The following PTGFR variants were observed in gnomAD, a reference collection of about 807,000 sequenced individuals.
The protein encoded by PTGFR is prostaglandin F2-alpha receptor.
Under a neutral mutation model 26.2 loss-of-function variants are expected in PTGFR, and 15 were observed. The observed-to-expected ratio is 0.57, with a 90% CI of 0.38 to 0.88. PTGFR has a LOEUF of 0.88. Ranked by LOEUF, PTGFR falls within the 40% of genes least tolerant of loss-of-function variation. The pLI is 0.00. For synonymous variants in PTGFR, 165 were observed against 151.1 expected, an observed-to-expected ratio of 1.09 and a Z score of -0.68; for missense variants, 369 against 427.2, an observed-to-expected ratio of 0.86 and a Z score of 1.20.
At chr1:78,492,619 C>G in intron 1 of PTGFR, 53 bp from the exon 2 acceptor site, 2 of 942,316 alleles carry the variant, frequency 2.1e-6, no homozygotes, top group Non-Finnish European at 3.1e-6. Context: ...CAGTCATAAA[C>G]GTCAGATGAG....
At chr1:78,510,982 G>A (rs1418419497) in intron 2 of PTGFR, among the ~76,000 whole-genome samples, 1 of 152,056 alleles carries the variant, frequency 6.6e-6, no homozygotes, top group Non-Finnish European at 1.5e-5. Context: ...CCACACTCAG[G>A]GCACGCCAGT....
chr1:78,536,267 T>C, intron 2 of PTGFR, 139 bp from the exon 3 acceptor site: 1 of 803,896 alleles, frequency 1.2e-6, no homozygotes, highest in Non-Finnish European at 1.9e-6. Flanking sequence ...CTATCATTGA[T>C]TTCTTTCTGT....
rs138212662 is a variant in PTGFR, at chr1:78,534,931, C to G, written c.799-1475C>G. ...TATTTCTTTTACAGAAATACTCTCCCCACATTTATTGGTGGCTGAATGATT... is the reference window on the plus strand; with the variant it reads ...TATTTCTTTTACAGAAATACTCTCCGCACATTTATTGGTGGCTGAATGATT... On this transcript the variant is annotated intron_variant, in intron 2 of 2. Transcript: ENST00000370757. Among the ~76,000 whole-genome samples, 438 of 152,226 alleles carry G rather than the reference C, an allele frequency of 2.9e-3. 1 individual carries two copies. The highest frequency in any genetic ancestry group is 8.9e-3 in the African/African-American group (368 of 41,532).
At chr1:78,499,979 A>G (rs1649660910) in intron 2 of PTGFR, among the ~76,000 whole-genome samples, 1 of 152,226 alleles carries the variant, frequency 6.6e-6, no homozygotes, top group African/African-American at 2.4e-5. Context: ...GGAAAATATT[A>G]GGTAACAGAA....
chr1:78,508,521 T>G (rs545316288), intron 2 of PTGFR, among the ~76,000 whole-genome samples: 5 of 152,236 alleles, frequency 3.3e-5, no homozygotes, highest in African/African-American at 1.2e-4. Context: ...AGCCTAGGAA[T>G]GAATGTCACT....
At chr1:78,513,494 A>G (rs1650020244) in intron 2 of PTGFR, among the ~76,000 whole-genome samples, 1 of 151,344 alleles carries the variant, frequency 6.6e-6, no homozygotes, top group African/African-American at 2.5e-5. Context: ...AAAGCATTTA[A>G]GAAATGGCAT....
intron 2 of PTGFR, among the ~76,000 whole-genome samples, chr1:78,499,815 A>G (rs1290469051): frequency 1.3e-5 from 2 of 152,122 alleles, no homozygotes; most frequent in African/African-American, 2.4e-5. Context: ...TGATTTGTTT[A>G]TATGTTTTCT....
At chr1:78,521,269 G>A (rs540757) in intron 2 of PTGFR, among the ~76,000 whole-genome samples, 17,635 of 152,126 alleles carry the variant, frequency 0.12, 1,700 homozygotes, top group African/African-American at 0.27. Flanking sequence ...GGTAGCTAAA[G>A]TTTACCCTTC....
intron 2 of PTGFR, among the ~76,000 whole-genome samples, chr1:78,530,451 C>A (rs1388423169): frequency 6.6e-6 from 1 of 152,128 alleles, no homozygotes; most frequent in Non-Finnish European, 1.5e-5. Flanking sequence ...GCTTGAAAGA[C>A]AACTAGACAT....
At chr1:78,518,409 C>T (rs1650142444) in intron 2 of PTGFR, among the ~76,000 whole-genome samples, 1 of 151,824 alleles carries the variant, frequency 6.6e-6, no homozygotes, top group Non-Finnish European at 1.5e-5. Flanking sequence ...TGGTTTTGCA[C>T]AGCTTTATAC....
Position 78,492,799 on chromosome 1 carries a change from A to G in PTGFR, c.56A>G (p.Asn19Ser), listed in dbSNP as rs1403247824. 1 of 1,614,074 alleles carries G rather than the reference A, an allele frequency of 6.2e-7. No homozygotes were observed. The highest frequency in any genetic ancestry group is 8.5e-7 in the Non-Finnish European group (1 of 1,180,044). Residue 19 changes from asparagine to serine, a missense_variant, in exon 2 of 3, where the codon AAC becomes AGC. Asn to Ser is a conservative substitution (Grantham distance 46, BLOSUM62 1). Coordinates refer to ENST00000370757, the MANE Select transcript of PTGFR (RefSeq NM_000959.4). The stretch of plus-strand genomic sequence containing the variant: ...TCTCCTGCAGCTGCGCTTCTTTCAA[A>G]CACAACCTGCCAGACGGAAAACCGG... ...LVSPAAALLS[N>S]TTCQTENRLS...
intron 2 of PTGFR, among the ~76,000 whole-genome samples, chr1:78,497,217 T>G (rs1162549936): frequency 6.6e-6 from 1 of 152,232 alleles, no homozygotes; most frequent in East Asian, 1.9e-4. Flanking sequence ...ATTACTTAAA[T>G]TTTTACAATA....
intron 2 of PTGFR, among the ~76,000 whole-genome samples, chr1:78,525,693 G>C (rs1008739884): frequency 6.6e-6 from 1 of 152,000 alleles, no homozygotes; most frequent in Admixed American, 6.6e-5. Context: ...TCACATGGTT[G>C]GTCTTTCAAG....
intron 2 of PTGFR, among the ~76,000 whole-genome samples, chr1:78,525,054 T>C (rs956187016): frequency 1.3e-5 from 2 of 151,606 alleles, no homozygotes; most frequent in African/African-American, 4.8e-5. Flanking sequence ...AATTCCAACA[T>C]GCCAGATGTG....
chr1:78,537,670 A>G lies in PTGFR; in HGVS notation c.*983A>G, dbSNP rs899. 25,868 of 152,148 alleles carry G rather than the reference A, an allele frequency of 0.17. 2,327 individuals carry two copies. The highest frequency in any genetic ancestry group is 0.2 in the Non-Finnish European group (13,745 of 67,966). 9.4% of individuals were successfully genotyped at this position (152,148 alleles called of 1,614,324 possible). A position where few individuals can be genotyped will look rare whatever the true frequency, so the allele number is the denominator to read the frequency against. On this transcript the variant is annotated 3_prime_UTR_variant, in exon 3 of 3. Transcript: ENST00000370757. ...GCTAGTGTGTTTCTTCTTTACACAC[A>G]TATACACACAGACATCAGAAAATTC...
intron 2 of PTGFR, among the ~76,000 whole-genome samples, 164 bp from the exon 3 acceptor site, chr1:78,536,242 C>T (rs901670824): frequency 6.6e-6 from 1 of 152,072 alleles, no homozygotes; most frequent in Admixed American, 6.6e-5. Context: ...TCATTTGTCT[C>T]CATCAGTGTT....
At chr1:78,501,023 G>T (rs1649691628) in intron 2 of PTGFR, among the ~76,000 whole-genome samples, 2 of 151,408 alleles carry the variant, frequency 1.3e-5, no homozygotes, top group South Asian at 2.1e-4. Context: ...TAAGAAGAAA[G>T]ACTTATAAAA....
intron 2 of PTGFR, among the ~76,000 whole-genome samples, chr1:78,501,057 C>T (rs1040027623): frequency 2.6e-5 from 4 of 151,642 alleles, no homozygotes; most frequent in Admixed American, 1.3e-4. Flanking sequence ...TCATAGACAT[C>T]GAGACGACAC....
intron 2 of PTGFR, among the ~76,000 whole-genome samples, chr1:78,517,094 A>G (rs562495845): frequency 6.6e-6 from 1 of 152,340 alleles, no homozygotes; most frequent in African/African-American, 2.4e-5. Context: ...AGAGCCAAAG[A>G]TAGATGTCCT....
Sources: allele counts gnomAD v4.1 joint callset (sites outside exome capture counted in the v4.1 genomes callset), GRCh38; gene constraint gnomAD v4.1.1; transcripts MANE v1.5; gene names NCBI Gene and HGNC (gene_info 2026-07-23, HGNC 2026-07-21).